RUNX2: variants seen among roughly 807,000 people sequenced by gnomAD.
RUNX2 encodes RUNX family transcription factor 2.
RUNX2 carries 10 observed loss-of-function variants against 51.7 expected under a neutral mutation model. The ratio of observed to expected loss-of-function variants is 0.19; its 90% CI spans 0.12 to 0.33. The LOEUF (loss-of-function observed/expected upper bound fraction) is 0.33, where lower values mean the gene tolerates loss of function less well. Among genes scored for constraint, RUNX2 ranks in the 10% least tolerant of loss-of-function variants. The pLI is 1.00. For missense variants in RUNX2, 562 were observed against 691.3 expected (o/e 0.81, Z 2.10); for synonymous variants, 276 against 273.6 (o/e 1.01, Z -0.09).
chr6:45,400,248 C>G (rs920600799), intron 2 of RUNX2, among the ~76,000 whole-genome samples: 20 of 150,950 alleles, frequency 1.3e-4, no homozygotes, highest in Non-Finnish European at 2.5e-4. Flanking sequence ...GGAGGGGAGA[C>G]AGAGGGAGGA....
At chr6:45,364,662 T>C (rs984590001) in intron 2 of RUNX2, among the ~76,000 whole-genome samples, 6 of 152,214 alleles carry the variant, frequency 3.9e-5, no homozygotes, top group Non-Finnish European at 8.8e-5. Context: ...GAAATCTTAA[T>C]GACTCTGCAA....
At chr6:45,502,896 C>T (rs1011279544) in intron 6 of RUNX2, among the ~76,000 whole-genome samples, 1 of 152,196 alleles carries the variant, frequency 6.6e-6, no homozygotes, top group Non-Finnish European at 1.5e-5. Flanking sequence ...CTGGCTCCTC[C>T]CTGCCTGCTC....
chr6:45,474,007 G>A (rs1266999553), intron 5 of RUNX2, among the ~76,000 whole-genome samples: 2 of 152,194 alleles, frequency 1.3e-5, no homozygotes, highest in East Asian at 1.9e-4. Context: ...TATTATCTGC[G>A]CCAAATGATT....
rs118079577 is a variant in RUNX2, at chr6:45,544,123, C to T, written c.1022-1094C>T. 3.4e-3 allele frequency among the ~76,000 whole-genome samples: 510 copies of T among 151,918 alleles called. 4 individuals carry two copies. Among genetic ancestry groups the T allele is most frequent in the East Asian group, 0.026 (134 of 5,176 alleles). Reference sequence around the variant, plus strand: ...ATAATCCCTTTCAAGTCAACATTAGCGCTCTTTATCAAGAAAGAGTCCATT... The same window carrying T: ...ATAATCCCTTTCAAGTCAACATTAGTGCTCTTTATCAAGAAAGAGTCCATT... On this transcript the variant is annotated intron_variant, in intron 7 of 8. Transcript: ENST00000647337.
At chr6:45,399,736 G>T (rs1323738498) in intron 2 of RUNX2, among the ~76,000 whole-genome samples, 1 of 149,304 alleles carries the variant, frequency 6.7e-6, no homozygotes, top group Non-Finnish European at 1.5e-5. Flanking sequence ...AGGCAAGTGG[G>T]GAAAGAGAGA....
chr6:45,363,381 C>T (rs1794595563), intron 2 of RUNX2, among the ~76,000 whole-genome samples: 1 of 151,916 alleles, frequency 6.6e-6, no homozygotes, highest in South Asian at 2.1e-4. Flanking sequence ...CTTTAAAATA[C>T]TTCATATTTT....
intron 2 of RUNX2, among the ~76,000 whole-genome samples, chr6:45,372,342 T>C (rs535957875): frequency 6.6e-6 from 1 of 152,340 alleles, no homozygotes; most frequent in South Asian, 2.1e-4. Flanking sequence ...CTGATGATGA[T>C]GATTAACTCA....
intron 5 of RUNX2, among the ~76,000 whole-genome samples, chr6:45,448,345 G>C (rs146416294): frequency 6.8e-4 from 104 of 152,334 alleles, no homozygotes; most frequent in African/African-American, 1.9e-3. Flanking sequence ...GGAATCCTTA[G>C]ATATTGGTGT....
intron 2 of RUNX2, among the ~76,000 whole-genome samples, chr6:45,381,581 C>T (rs1797242031): frequency 6.6e-6 from 1 of 152,100 alleles, no homozygotes; most frequent in South Asian, 2.1e-4. Flanking sequence ...GCATGTGCCA[C>T]TACACTCAGC....
In RUNX2 at chr6:45,328,785, G is replaced by A; in HGVS notation, c.58+1G>A. Reference sequence around the variant, plus strand: ...CCATGTCAGCAAAACTTCTTTTGGGGTAAGTGTTACCATTTTTAAAATCCT... The same window carrying A: ...CCATGTCAGCAAAACTTCTTTTGGGATAAGTGTTACCATTTTTAAAATCCT... On this transcript the variant is annotated splice_donor_variant, in intron 2 of 8. Coordinates refer to ENST00000647337, the MANE Select transcript of RUNX2 (RefSeq NM_001024630.4). LOFTEE classifies it high-confidence loss of function. 1.2e-6 allele frequency: 2 copies of A among 1,611,862 alleles called. No homozygotes were observed. Among genetic ancestry groups the A allele is most frequent in the Non-Finnish European group, 1.7e-6 (2 of 1,178,494 alleles).
intron 2 of RUNX2, chr6:45,361,514 A>C (rs891429773): frequency 6.6e-6 from 1 of 152,194 alleles, no homozygotes; most frequent in African/African-American, 2.4e-5. Flanking sequence ...TAAAATTCTT[A>C]AGAAGTTTGT....
At chr6:45,519,971 C>T (rs1320978906) in intron 7 of RUNX2, among the ~76,000 whole-genome samples, 1 of 151,910 alleles carries the variant, frequency 6.6e-6, no homozygotes, top group East Asian at 1.9e-4. Flanking sequence ...ACTGGGATTA[C>T]AGGCACCCAC....
chr6:45,341,389 C>G (rs1486445212), intron 2 of RUNX2, among the ~76,000 whole-genome samples: 1 of 152,118 alleles, frequency 6.6e-6, no homozygotes, highest in Non-Finnish European at 1.5e-5. Flanking sequence ...ACAGACTTCT[C>G]CAATCATTCT....
At chr6:45,518,462 G>A (rs1386517778) in intron 7 of RUNX2, among the ~76,000 whole-genome samples, 4 of 152,008 alleles carry the variant, frequency 2.6e-5, no homozygotes, top group African/African-American at 9.7e-5. Context: ...TCTAATTTTT[G>A]ATTTACTCCT....
At chr6:45,357,508 A>T (rs1319868268) in intron 2 of RUNX2, among the ~76,000 whole-genome samples, 4 of 151,882 alleles carry the variant, frequency 2.6e-5, no homozygotes, top group Non-Finnish European at 4.4e-5. Flanking sequence ...TATTTTCTGT[A>T]GAGACAGCGT....
chr6:45,360,695 C>T (rs1794101773), intron 2 of RUNX2, among the ~76,000 whole-genome samples: 2 of 152,204 alleles, frequency 1.3e-5, no homozygotes, highest in African/African-American at 4.8e-5. Context: ...ATCCCAAACA[C>T]TCTCAGGAGA....
At chr6:45,404,091 C>G (rs901814804) in intron 2 of RUNX2, among the ~76,000 whole-genome samples, 1 of 151,368 alleles carries the variant, frequency 6.6e-6, no homozygotes, top group East Asian at 1.9e-4. Context: ...GAAACCGTAC[C>G]TCTACTAAAA....
chr6:45,385,530 A>G (rs1797330553), intron 2 of RUNX2, among the ~76,000 whole-genome samples: 1 of 152,220 alleles, frequency 6.6e-6, no homozygotes, highest in Admixed American at 6.5e-5. Flanking sequence ...CAGATTTACT[A>G]AGGTTGTGAA....
intron 2 of RUNX2, among the ~76,000 whole-genome samples, chr6:45,415,521 A>C (rs1408297804): frequency 6.6e-6 from 1 of 152,208 alleles, no homozygotes; most frequent in Non-Finnish European, 1.5e-5. Flanking sequence ...CAAACAGCCC[A>C]GGAGGGGAGG....
Sources: allele counts gnomAD v4.1 joint callset (sites outside exome capture counted in the v4.1 genomes callset), GRCh38; gene constraint gnomAD v4.1.1; transcripts MANE v1.5; gene names NCBI Gene and HGNC (gene_info 2026-07-23, HGNC 2026-07-21).